TEAD1: variants seen among roughly 807,000 people sequenced by gnomAD.
The protein encoded by TEAD1 is transcriptional enhancer factor TEF-1.
In TEAD1, 9 loss-of-function variants were observed where a neutral mutation model predicts 54.9. That is an observed-to-expected ratio of 0.16 (90% CI 0.10 to 0.29). The LOEUF is 0.29. TEAD1 is among the 10% of genes least tolerant of loss of function. The pLI is 1.00. For synonymous variants in TEAD1, 200 were observed against 187.8 expected (o/e 1.07, Z -0.53); for missense variants, 387 against 535.9 (o/e 0.72, Z 2.74).
intron 5 of TEAD1, among the ~76,000 whole-genome samples, chr11:12,873,044 C>G (rs1429789106): frequency 6.6e-6 from 1 of 152,228 alleles, no homozygotes; most frequent in Non-Finnish European, 1.5e-5. Context: ...ACAAGCCAAG[C>G]TCTTTGCAGG....
At chr11:12,730,309 T>G (rs1944393497) in intron 2 of TEAD1, among the ~76,000 whole-genome samples, 1 of 152,158 alleles carries the variant, frequency 6.6e-6, no homozygotes, top group Non-Finnish European at 1.5e-5. Flanking sequence ...TACTGCCATT[T>G]CATAGTTGAG....
intron 3 of TEAD1, among the ~76,000 whole-genome samples, chr11:12,792,834 T>C (rs1945832773): frequency 6.6e-6 from 1 of 152,126 alleles, no homozygotes; most frequent in Non-Finnish European, 1.5e-5. Flanking sequence ...GACAAGAGGA[T>C]TGTTTGATGC....
In TEAD1 at chr11:12,929,236, A is replaced by G. The variant is rs1391666685; in HGVS notation, c.1015-938A>G. On this transcript the variant is annotated intron_variant, in intron 11 of 12. Transcript: ENST00000527636. ...GGTTATGTGAAATAATCTCTTATGT[A>G]TCTTCTAATTTGTACTGTAATTGTG... 4.8e-5 allele frequency among the ~76,000 whole-genome samples: 7 copies of G among 147,074 alleles called. No individual in the cohort carries two copies. In the East Asian group the frequency reaches 1.4e-3, roughly 30 times the overall value.
intron 5 of TEAD1, 119 bp from the exon 6 acceptor site, chr11:12,879,588 CT>C: frequency 1.7e-5 from 22 of 1,268,900 alleles, no homozygotes; most frequent in Non-Finnish European, 2.2e-5. Flanking sequence ...TGCATGTTTG[CT>C]TTTTTTGGCC....
intron 3 of TEAD1, among the ~76,000 whole-genome samples, chr11:12,799,198 GTTTT>G (rs1270174723): frequency 6.6e-6 from 1 of 152,200 alleles, no homozygotes; most frequent in Non-Finnish European, 1.5e-5. Flanking sequence ...TTATCTCAGT[GTTTT>G]ACAAATATTA....
intron 2 of TEAD1, among the ~76,000 whole-genome samples, chr11:12,729,006 A>C (rs1224622909): frequency 6.6e-6 from 1 of 152,338 alleles, no homozygotes; most frequent in African/African-American, 2.4e-5. Flanking sequence ...AGAAGTGCTT[A>C]CATTGTTTTT....
intron 2 of TEAD1, among the ~76,000 whole-genome samples, chr11:12,712,958 G>T (rs1319068122): frequency 6.6e-6 from 1 of 152,190 alleles, no homozygotes; most frequent in Non-Finnish European, 1.5e-5. Context: ...TAGTAGGAGG[G>T]TTCTCGGGTT....
At chr11:12,711,202 GCGGCT>G (rs964595699) in intron 2 of TEAD1, among the ~76,000 whole-genome samples, 2 of 152,164 alleles carry the variant, frequency 1.3e-5, no homozygotes, top group African/African-American at 4.8e-5. Context: ...GGCCACTGCA[GCGGCT>G]CGGGAAGAGG....
intron 2 of TEAD1, among the ~76,000 whole-genome samples, chr11:12,679,793 C>A (rs866511167): frequency 1.3e-5 from 2 of 151,764 alleles, no homozygotes; most frequent in African/African-American, 4.8e-5. Context: ...TTGAAAAGTT[C>A]ATCCAAGAAT....
intron 2 of TEAD1, among the ~76,000 whole-genome samples, chr11:12,717,350 G>A (rs1944087150): frequency 6.6e-6 from 1 of 152,168 alleles, no homozygotes; most frequent in Non-Finnish European, 1.5e-5. Context: ...GAGTCAGGAG[G>A]CAGGGCCCTT....
chr11:12,808,247 T>C (rs1946219809), intron 3 of TEAD1, among the ~76,000 whole-genome samples: 1 of 41,366 alleles, frequency 2.4e-5, no homozygotes, highest in Non-Finnish European at 8.3e-5. Flanking sequence ...AAATTATAGG[T>C]CATAGTAGGC....
At chr11:12,827,730 T>G (rs1946686445) in intron 3 of TEAD1, among the ~76,000 whole-genome samples, 1 of 152,230 alleles carries the variant, frequency 6.6e-6, no homozygotes, top group Admixed American at 6.5e-5. Context: ...TTATCACATT[T>G]GCAGGAGGAA....
intron 3 of TEAD1, among the ~76,000 whole-genome samples, chr11:12,831,344 C>A (rs1946776799): frequency 6.6e-6 from 1 of 152,144 alleles, no homozygotes; most frequent in East Asian, 1.9e-4. Context: ...CTGAATTCCC[C>A]CAGTGCCCTG....
At chr11:12,706,069 A>C (rs188345192) in intron 2 of TEAD1, among the ~76,000 whole-genome samples, 3 of 152,366 alleles carry the variant, frequency 2.0e-5, no homozygotes, top group African/African-American at 7.2e-5. Flanking sequence ...GATGAAATTG[A>C]AACTTAGTTT....
intron 10 of TEAD1, among the ~76,000 whole-genome samples, chr11:12,907,481 C>G (rs1331628855): frequency 6.6e-6 from 1 of 152,188 alleles, no homozygotes; most frequent in Non-Finnish European, 1.5e-5. Context: ...TCATGACAGC[C>G]TCTTACTCAT....
chr11:12,778,330 G>T (rs1945472464), intron 3 of TEAD1, among the ~76,000 whole-genome samples: 1 of 152,074 alleles, frequency 6.6e-6, no homozygotes, highest in African/African-American at 2.4e-5. Flanking sequence ...GTAAACAATA[G>T]AAAAGAAAGA....
chr11:12,679,729 C>A (rs1834369124), intron 2 of TEAD1, among the ~76,000 whole-genome samples: 1 of 151,654 alleles, frequency 6.6e-6, no homozygotes, highest in South Asian at 2.1e-4. Context: ...AGTGCAATCT[C>A]AATTTAACTT....
intron 3 of TEAD1, among the ~76,000 whole-genome samples, chr11:12,827,010 A>G (rs1190469662): frequency 1.3e-5 from 2 of 152,192 alleles, no homozygotes; most frequent in African/African-American, 4.8e-5. Flanking sequence ...AATTCCTCTC[A>G]ACTCTCTGTC....
Position 12,687,920 on chromosome 11 carries a change from G to A in TEAD1, c.-55+12359G>A, listed in dbSNP as rs368209917. On this transcript the variant is annotated intron_variant, in intron 2 of 12. Coordinates refer to ENST00000527636, the MANE Select transcript of TEAD1 (RefSeq NM_021961.6). The stretch of plus-strand genomic sequence containing the variant: ...GGCTAATCCAAACTATTCTCTAGGT[G>A]GGTGTAGTGGGTAGGGGGACTGCTG... 9.8e-5 allele frequency among the ~76,000 whole-genome samples: 15 copies of A among 152,302 alleles called. No individual in the cohort carries two copies. The East Asian group carries it at 1.4e-3, about 14-fold the overall frequency.
Sources: allele counts gnomAD v4.1 joint callset (sites outside exome capture counted in the v4.1 genomes callset), GRCh38; gene constraint gnomAD v4.1.1; transcripts MANE v1.5; gene names NCBI Gene and HGNC (gene_info 2026-07-23, HGNC 2026-07-21).